Variants in SOCS5 observed in about 807,000 individuals in gnomAD.
SOCS5 encodes CIS-6.
In SOCS5, 32 loss-of-function variants were observed where a neutral mutation model predicts 42.8. The ratio of observed to expected loss-of-function variants is 0.75; its 90% confidence interval spans 0.56 to 1.01. The LOEUF is 1.01. Among genes scored for constraint, SOCS5 ranks in the 50% least tolerant of loss-of-function variants. The probability of loss-of-function intolerance (pLI) is 0.00; values close to 1 mark genes in which losing one functional copy is unlikely to be tolerated. For synonymous variants in SOCS5, 283 were observed against 229.6 expected, an observed-to-expected ratio of 1.23 and a Z score of -2.10; for missense variants, 627 against 653.0, an observed-to-expected ratio of 0.96 and a Z score of 0.43.
chr2:46,703,065 A>C (rs1450986202), intron 1 of SOCS5, among the ~76,000 whole-genome samples: 2 of 152,174 alleles, frequency 1.3e-5, no homozygotes, highest in African/African-American at 4.8e-5. Context: ...ATGTTTTAAC[A>C]TTCATTTTCA....
chr2:46,741,233 G>A (rs1389852062), intron 1 of SOCS5, among the ~76,000 whole-genome samples: 1 of 151,806 alleles, frequency 6.6e-6, no homozygotes, highest in Non-Finnish European at 1.5e-5. Flanking sequence ...TTTCAAGATC[G>A]ACTTCCTTTT....
rs754817460 is a variant in SOCS5, at chr2:46,759,515, A to G, written c.985A>G (p.Thr329Ala). The G allele has an allele frequency of 1.9e-5, 31 of 1,613,890 alleles. 1 individual carries two copies. The Middle Eastern group carries it at 9.9e-4, about 51-fold the overall frequency. ...TAATTGTGACTCGGAAGAGGATACA[A>G]CCACCCTGTGTTTGCAGTCACGGAG... ...QANCDSEEDT[T>A]TLCLQSRRQK... The change falls in exon 2 of 2, where the codon ACC (threonine) becomes GCC (alanine). Residue 329 changes from threonine to alanine, a missense_variant. By Grantham distance (58) the Thr-to-Ala change is moderately conservative. Around this residue, in one of 3 missense-constraint regions of SOCS5, gnomAD observed 340 missense variants for 367.6 expected, o/e 0.92. Transcript: ENST00000394861.
intron 1 of SOCS5, among the ~76,000 whole-genome samples, chr2:46,732,139 A>G (rs1025272700): frequency 6.6e-6 from 1 of 152,244 alleles, no homozygotes; most frequent in Non-Finnish European, 1.5e-5. Flanking sequence ...TAAATGGCAC[A>G]TAAGAAAATG....
intron 1 of SOCS5, among the ~76,000 whole-genome samples, chr2:46,713,397 T>C (rs1672671500): frequency 6.6e-6 from 1 of 152,216 alleles, no homozygotes; most frequent in Admixed American, 6.5e-5. Flanking sequence ...TTTTCTTTTT[T>C]ATGTCTGTTT....
chr2:46,752,355 C>G (rs1254904713), intron 1 of SOCS5, among the ~76,000 whole-genome samples: 1 of 152,032 alleles, frequency 6.6e-6, no homozygotes, highest in African/African-American at 2.4e-5. Context: ...ATCCTAAAAC[C>G]TTCCATGAAA....
intron 1 of SOCS5, among the ~76,000 whole-genome samples, chr2:46,756,900 G>C (rs1572848804): frequency 6.6e-6 from 1 of 152,170 alleles, no homozygotes; most frequent in Non-Finnish European, 1.5e-5. Flanking sequence ...ATGCTTACGA[G>C]AGAGATTTTT....
intron 1 of SOCS5, among the ~76,000 whole-genome samples, chr2:46,702,290 C>CT (rs898312023): frequency 5.9e-4 from 90 of 152,316 alleles, no homozygotes; most frequent in African/African-American, 2.0e-3. Flanking sequence ...AATGCACGAT[C>CT]AAATCATACT....
intron 1 of SOCS5, among the ~76,000 whole-genome samples, chr2:46,744,514 C>A (rs1673455157): frequency 1.3e-5 from 2 of 151,138 alleles, no homozygotes; most frequent in Admixed American, 6.6e-5. Context: ...CTAGTTCTTT[C>A]AAAATAATAA....
At chr2:46,727,268 C>T (rs1673019742) in intron 1 of SOCS5, among the ~76,000 whole-genome samples, 1 of 151,896 alleles carries the variant, frequency 6.6e-6, no homozygotes, top group African/African-American at 2.4e-5. Flanking sequence ...CCTGCCTCAG[C>T]CTCCCGAGTA....
intron 1 of SOCS5, among the ~76,000 whole-genome samples, chr2:46,715,381 A>G (rs1572832101): frequency 6.6e-6 from 1 of 151,842 alleles, no homozygotes; most frequent in African/African-American, 2.4e-5. Context: ...CAAAAAAAAA[A>G]AAAAGAAAAG....
At chr2:46,701,120 T>C (rs749069310) in intron 1 of SOCS5, among the ~76,000 whole-genome samples, 4 of 152,238 alleles carry the variant, frequency 2.6e-5, no homozygotes, top group Non-Finnish European at 5.9e-5. Flanking sequence ...TGTACTGGCT[T>C]ACAATACAGT....
chr2:46,740,173 A>G (rs1673339122), intron 1 of SOCS5, among the ~76,000 whole-genome samples: 1 of 152,218 alleles, frequency 6.6e-6, no homozygotes. Context: ...AAACTAAGGT[A>G]GCTGTGCTTT....
chr2:46,709,985 C>A (rs1672580597), intron 1 of SOCS5, among the ~76,000 whole-genome samples: 1 of 152,004 alleles, frequency 6.6e-6, no homozygotes, highest in Admixed American at 6.6e-5. Context: ...CAGTCTCCAC[C>A]CCCCATGCTT....
At chr2:46,740,717 A>C (rs1302001867) in intron 1 of SOCS5, among the ~76,000 whole-genome samples, 1 of 151,932 alleles carries the variant, frequency 6.6e-6, no homozygotes, top group Non-Finnish European at 1.5e-5. Flanking sequence ...CCAGAGTTCT[A>C]GAATGAGGAT....
rs753916404 is a variant in SOCS5 at position 46,758,835 on chromosome 2, T to A, written c.305T>A (p.Val102Asp). The change falls in exon 2 of 2, where the codon GTT (valine) becomes GAT (aspartate). Residue 102 changes from valine (V) to aspartate (D), a missense_variant. By Grantham distance (152) the Val-to-Asp change is radical (BLOSUM62 -3). Around this residue, in one of 3 missense-constraint regions of SOCS5, gnomAD observed 278 missense variants for 246.3 expected, o/e 1.13. Coordinates refer to ENST00000394861, the MANE Select transcript of SOCS5 (RefSeq NM_144949.3). ...ISIEKDNDSC[V>D]TPGTRLARRD... The stretch of plus-strand genomic sequence containing the variant: ...ATCGAAAAGGATAATGATTCTTGTG[T>A]TACCCCAGGAACAAGACTTGCACGA... 2.5e-6 allele frequency: 4 copies of A among 1,614,102 alleles called. No homozygotes were observed. Among genetic ancestry groups the A allele is most frequent in the Non-Finnish European group, 3.4e-6 (4 of 1,179,930 alleles).
intron 1 of SOCS5, among the ~76,000 whole-genome samples, chr2:46,705,416 G>A (rs10168357): frequency 0.99 from 151,408 of 152,350 alleles, 75,242 homozygotes; most frequent in Middle Eastern, 1. Context: ...AGAATTGATT[G>A]CTTGCTTTTC....
chr2:46,735,798 C>A (rs191484333), intron 1 of SOCS5, among the ~76,000 whole-genome samples: 1 of 151,948 alleles, frequency 6.6e-6, no homozygotes, highest in East Asian at 1.9e-4. Context: ...GATGTCTTTT[C>A]TTATACTTAA....
At chr2:46,756,683 T>A (rs924606571) in intron 1 of SOCS5, among the ~76,000 whole-genome samples, 7 of 152,168 alleles carry the variant, frequency 4.6e-5, no homozygotes, top group Admixed American at 1.3e-4. Context: ...TAAAAACTAA[T>A]TTTAAAATAA....
intron 1 of SOCS5, among the ~76,000 whole-genome samples, chr2:46,723,436 G>A (rs542774735): frequency 1.3e-5 from 2 of 152,120 alleles, no homozygotes; most frequent in South Asian, 4.1e-4. Flanking sequence ...TTAGATCTGT[G>A]ATCCATTTTG....
Sources: gnomAD v4.1 joint callset for allele counts (sites outside exome capture counted in the v4.1 genomes callset) on GRCh38, gnomAD v4.1.1 for gene constraint, gnomAD v4.1.1 regional missense constraint, MANE v1.5 for transcripts, NCBI Gene and HGNC (gene_info 2026-07-23, HGNC 2026-07-21) for gene names.